The following TMTC2 variants were observed in gnomAD, a reference collection of about 807,000 sequenced individuals.
TMTC2 encodes protein O-mannosyl-transferase TMTC2.
TMTC2 carries 43 observed loss-of-function variants against 82.4 expected under a neutral mutation model. The observed-to-expected ratio is 0.52, with a 90% CI of 0.41 to 0.67. The LOEUF (loss-of-function observed/expected upper bound fraction) is 0.67. Among genes scored for constraint, TMTC2 ranks in the 30% least tolerant of loss-of-function variants. The pLI is 0.00. For missense variants in TMTC2, 919 were observed against 1,012.4 expected, an observed-to-expected ratio of 0.91 and a Z score of 1.25; for synonymous variants, 408 against 381.9, an observed-to-expected ratio of 1.07 and a Z score of -0.80.
At chr12:82,861,356 C>A (rs763216567) in intron 2 of TMTC2, among the ~76,000 whole-genome samples, 5 of 152,238 alleles carry the variant, frequency 3.3e-5, no homozygotes, top group Middle Eastern at 3.4e-3. Flanking sequence ...AAGCTAACAA[C>A]CCCATACTTC....
intron 1 of TMTC2, among the ~76,000 whole-genome samples, chr12:82,804,043 C>A (rs894051044): frequency 6.6e-6 from 1 of 152,012 alleles, no homozygotes; most frequent in Non-Finnish European, 1.5e-5. Flanking sequence ...TTTATCACAT[C>A]CCTAACAAGT....
At chr12:83,031,411 A>C (rs554635690) in intron 9 of TMTC2, among the ~76,000 whole-genome samples, 50 of 152,292 alleles carry the variant, frequency 3.3e-4, no homozygotes, top group African/African-American at 1.1e-3. Flanking sequence ...CCTTGGCCTT[A>C]ATCAGTCTAG....
At chr12:82,858,090 C>G (rs1241271989) in intron 2 of TMTC2, among the ~76,000 whole-genome samples, 1 of 152,106 alleles carries the variant, frequency 6.6e-6, no homozygotes, top group Non-Finnish European at 1.5e-5. Context: ...TCACCTTTTT[C>G]TCGTGATAGT....
At chr12:82,836,356 T>C (rs1449911880) in intron 1 of TMTC2, among the ~76,000 whole-genome samples, 5 of 152,198 alleles carry the variant, frequency 3.3e-5, no homozygotes, top group Non-Finnish European at 7.3e-5. Flanking sequence ...TATCCTGGAT[T>C]ATCTGGTTGG....
At chr12:82,984,589 A>G (rs1879076178) in intron 7 of TMTC2, among the ~76,000 whole-genome samples, 1 of 152,196 alleles carries the variant, frequency 6.6e-6, no homozygotes, top group African/African-American at 2.4e-5. Flanking sequence ...TGTCATGATT[A>G]TGATTACTTA....
chr12:82,855,560 C>T (rs1175531332), intron 1 of TMTC2, among the ~76,000 whole-genome samples: 1 of 152,188 alleles, frequency 6.6e-6, no homozygotes, highest in African/African-American at 2.4e-5. Flanking sequence ...AGTTCTCATT[C>T]CTGTGCCCTT....
intron 1 of TMTC2, among the ~76,000 whole-genome samples, chr12:82,773,454 T>C (rs912177521): frequency 2.0e-5 from 3 of 149,370 alleles, no homozygotes; most frequent in African/African-American, 7.5e-5. Context: ...AAATGAGAAG[T>C]GATATTTCTT....
At chr12:82,882,946 C>T (rs1472525480) in intron 2 of TMTC2, among the ~76,000 whole-genome samples, 1 of 148,580 alleles carries the variant, frequency 6.7e-6, no homozygotes, top group African/African-American at 2.5e-5. Context: ...ATCCCAGCTA[C>T]TTAGGAGGCT....
chr12:82,869,140 G>T (rs1592588874), intron 2 of TMTC2, among the ~76,000 whole-genome samples: 1 of 152,066 alleles, frequency 6.6e-6, no homozygotes, highest in African/African-American at 2.4e-5. Context: ...AGTGGCAGGG[G>T]TGACCATTTA....
intron 3 of TMTC2, among the ~76,000 whole-genome samples, chr12:82,914,817 ATT>A (rs71068958): frequency 0.055 from 4,686 of 85,966 alleles, 30 homozygotes; most frequent in Middle Eastern, 0.083. Flanking sequence ...CAACTCACTT[ATT>A]TTTTTTTTTT....
chr12:82,835,419 A>G (rs1433348377), intron 1 of TMTC2, among the ~76,000 whole-genome samples: 1 of 152,130 alleles, frequency 6.6e-6, no homozygotes, highest in African/African-American at 2.4e-5. Context: ...GTATTTTTCC[A>G]TGCAAATGCT....
At chr12:82,945,112 GAACT>G (rs1016295033) in intron 4 of TMTC2, among the ~76,000 whole-genome samples, 8 of 152,204 alleles carry the variant, frequency 5.3e-5, no homozygotes, top group African/African-American at 9.6e-5. Context: ...ATTGCCTGCT[GAACT>G]AACTATTAAG....
intron 11 of TMTC2, among the ~76,000 whole-genome samples, chr12:83,098,220 C>T (rs1884097358): frequency 6.6e-6 from 1 of 152,216 alleles, no homozygotes; most frequent in Non-Finnish European, 1.5e-5. Flanking sequence ...CATCCCAGCA[C>T]ATCTCTGCCT....
At chr12:82,863,699 T>C (rs1386130641) in intron 2 of TMTC2, among the ~76,000 whole-genome samples, 2 of 152,266 alleles carry the variant, frequency 1.3e-5, no homozygotes, top group Non-Finnish European at 2.9e-5. Context: ...ATGCCTGCAT[T>C]ACACTGTTAA....
chr12:83,067,699 T>A (rs1882969052), intron 11 of TMTC2, among the ~76,000 whole-genome samples: 1 of 152,052 alleles, frequency 6.6e-6, no homozygotes, highest in Non-Finnish European at 1.5e-5. Flanking sequence ...AGGTAATATT[T>A]GATGCAGGCC....
chr12:82,787,380 G>C (rs1878226069), intron 1 of TMTC2, among the ~76,000 whole-genome samples: 3 of 151,814 alleles, frequency 2.0e-5, no homozygotes, highest in Admixed American at 2.0e-4. Flanking sequence ...TTTGTAATGA[G>C]GTTTAGACTT....
chr12:83,049,158 G>A (rs1328742614), intron 9 of TMTC2, among the ~76,000 whole-genome samples: 3 of 151,752 alleles, frequency 2.0e-5, no homozygotes, highest in Non-Finnish European at 4.4e-5. Flanking sequence ...TTAGGTTCAC[G>A]TACAGGTTAC....
intron 5 of TMTC2, 58 bp downstream of exon 5, chr12:82,965,167 T>G: frequency 7.7e-7 from 1 of 1,292,526 alleles, no homozygotes; most frequent in South Asian, 1.2e-5. Context: ...GAAAATTAAC[T>G]CTAATTTACA....
At chr12:82,949,102 GT>G (rs2137276202) in intron 4 of TMTC2, among the ~76,000 whole-genome samples, 1 of 152,300 alleles carries the variant, frequency 6.6e-6, no homozygotes, top group South Asian at 2.1e-4. Flanking sequence ...AGCAAGAAAG[GT>G]TTTGGCCTAT....
Sources: allele counts gnomAD v4.1 joint callset (sites outside exome capture counted in the v4.1 genomes callset), GRCh38; gene constraint gnomAD v4.1.1; transcripts MANE v1.5; gene names NCBI Gene and HGNC (gene_info 2026-07-23, HGNC 2026-07-21).